The following RBM20 variants were observed in gnomAD, a reference collection of about 807,000 sequenced individuals.
The protein encoded by RBM20 is RNA-binding protein 20.
A neutral mutation model predicts 110.1 loss-of-function variants in RBM20; 51 were observed. That is an observed-to-expected ratio of 0.46 (90% CI 0.37 to 0.59). RBM20 has a LOEUF of 0.59. Among genes scored for constraint, RBM20 ranks in the 20% least tolerant of loss-of-function variants. RBM20 has a pLI of 0.00. For missense variants in RBM20, 1,512 were observed against 1,574.9 expected, an observed-to-expected ratio of 0.96 and a Z score of 0.68; for synonymous variants, 589 against 618.2, an observed-to-expected ratio of 0.95 and a Z score of 0.70.
At chr10:110,789,511 G>A (rs1023891630) in intron 5 of RBM20, among the ~76,000 whole-genome samples, 4 of 151,538 alleles carry the variant, frequency 2.6e-5, no homozygotes, top group African/African-American at 9.7e-5. Context: ...AGGCTGGAGT[G>A]CAGTGGCATG....
intron 1 of RBM20, among the ~76,000 whole-genome samples, chr10:110,671,195 C>T (rs1416640679): frequency 6.6e-6 from 1 of 152,230 alleles, no homozygotes; most frequent in Non-Finnish European, 1.5e-5. Context: ...ACTGAGCTGA[C>T]TTACCCAAAG....
intron 1 of RBM20, among the ~76,000 whole-genome samples, chr10:110,687,998 TGTGTGTGTGTG>T (rs1862530810): frequency 3.3e-4 from 2 of 6,012 alleles, no homozygotes; most frequent in Non-Finnish European, 2.0e-3. Flanking sequence ...AATGGTTTTG[TGTGTGTGTGTG>T]TGTGTGTGTG....
intron 1 of RBM20, among the ~76,000 whole-genome samples, chr10:110,701,303 C>G (rs536178677): frequency 9.9e-4 from 151 of 152,128 alleles, no homozygotes; most frequent in African/African-American, 3.4e-3. Context: ...GGGCTTACTT[C>G]TCACCTGGTC....
chr10:110,668,511 C>T (rs1862212549), intron 1 of RBM20, among the ~76,000 whole-genome samples: 1 of 151,914 alleles, frequency 6.6e-6, no homozygotes, highest in Non-Finnish European at 1.5e-5. Context: ...AGGGGAGACA[C>T]TGGATTATAG....
Position 110,835,891 on chromosome 10 carries a change from G to A in RBM20, c.3597G>A (p.Glu1199=), listed in dbSNP as rs1177544843. 6.5e-7 allele frequency: 1 copy of A among 1,550,120 alleles called. No individual in the cohort carries two copies. The highest frequency in any genetic ancestry group is 2.4e-5 in the East Asian group (1 of 40,856). ...NLQKYLSQLA[E]EGLKETEGAD... ...AGAAATATTTGTCCCAGCTGGCCGA[G>A]GAGGGCCTCAAGGAGACCGAGGGGG... Residue 1199 remains glutamate, a synonymous_variant, in exon 14 of 14, where the codon GAG becomes GAA. Transcript: ENST00000369519.
intron 1 of RBM20, among the ~76,000 whole-genome samples, chr10:110,712,210 G>A (rs564964557): frequency 1.3e-5 from 2 of 152,328 alleles, no homozygotes; most frequent in East Asian, 1.9e-4. Flanking sequence ...AGTTAATTGT[G>A]AGTTCATGTA....
In RBM20 at chr10:110,820,075, G is replaced by A; in HGVS notation, c.2554G>A (p.Gly852Arg). ...GCTCTGTTCTTCCTTTGATAAGGCT[G>A]GAAAAGAGGAACAGGAGGGCATGGA... Reference protein sequence around the residue: ...KENTMAENEAGKEEQEGMEES... With the variant: ...KENTMAENEARKEEQEGMEES... The change falls in exon 10 of 14, where the codon GGA becomes AGA. Residue 852 changes from glycine (G) to arginine (R), a missense_variant. This residue lies in a region of RBM20 where 1,149 missense variants were observed against 1,169.4 expected (regional missense o/e 0.98). Coordinates refer to ENST00000369519, the MANE Select transcript of RBM20 (RefSeq NM_001134363.3). The A allele has an allele frequency of 2.6e-6, 4 of 1,546,860 alleles. No homozygotes were observed. Among genetic ancestry groups the A allele is most frequent in the Non-Finnish European group, 3.5e-6 (4 of 1,143,756 alleles).
At chr10:110,650,366 G>T (rs1206782405) in intron 1 of RBM20, among the ~76,000 whole-genome samples, 1 of 152,222 alleles carries the variant, frequency 6.6e-6, no homozygotes, top group Non-Finnish European at 1.5e-5. Flanking sequence ...ATCTGTAGGG[G>T]AGATGGCACA....
chr10:110,772,464 A>G (rs967805537), intron 1 of RBM20, among the ~76,000 whole-genome samples: 3 of 152,222 alleles, frequency 2.0e-5, no homozygotes, highest in Admixed American at 6.5e-5. Flanking sequence ...GTGGTCCCAT[A>G]AGATTATAAT....
rs993602871 is a variant in RBM20, at chr10:110,739,484, C to G, written c.192-41317C>G. ...TTTGATGAGCTGCCGGATCTCTTGA[C>G]CCCTCAGAGAATTTTACATTAGGGA... On this transcript the variant is annotated intron_variant, in intron 1 of 13. Transcript: ENST00000369519. The surrounding 1 kb of genome is among the most constrained non-coding windows in gnomAD (Gnocchi z 4.1). Among the ~76,000 whole-genome samples the G allele has an allele frequency of 1.3e-5, 2 of 152,132 alleles. No individual in the cohort carries two copies. Among genetic ancestry groups the G allele is most frequent in the Non-Finnish European group, 2.9e-5 (2 of 68,026 alleles).
At chr10:110,706,680 T>C (rs181932086) in intron 1 of RBM20, among the ~76,000 whole-genome samples, 259 of 152,248 alleles carry the variant, frequency 1.7e-3, no homozygotes, top group African/African-American at 5.9e-3. Context: ...GTCTGGAGGG[T>C]GAACCTCAAA....
At chr10:110,732,207 A>G (rs914431962) in intron 1 of RBM20, among the ~76,000 whole-genome samples, 5 of 152,078 alleles carry the variant, frequency 3.3e-5, no homozygotes, top group African/African-American at 1.2e-4. Context: ...TATCTGTTTC[A>G]TGGTCATCTC....
In RBM20 at chr10:110,767,207, G is replaced by A. The variant is rs1223623545; in HGVS notation, c.192-13594G>A. On this transcript the variant is annotated intron_variant, in intron 1 of 13. Coordinates refer to ENST00000369519, the MANE Select transcript of RBM20 (RefSeq NM_001134363.3). ...TCCCAGACGGGGCGGCTGGCCGGGCGGGGGGGCTGACCCCCCCACCTCCCT... is the reference window on the plus strand; with the variant it reads ...TCCCAGACGGGGCGGCTGGCCGGGCAGGGGGGCTGACCCCCCCACCTCCCT... Among the ~76,000 whole-genome samples the A allele has an allele frequency of 9.3e-4, 115 of 123,776 alleles. 1 individual carries two copies. The highest frequency in any genetic ancestry group is 1.7e-3 in the Non-Finnish European group (95 of 56,522). The allele number at this position is 123,776 out of a possible 152,430, so 81.2% of individuals were successfully genotyped here.
intron 1 of RBM20, among the ~76,000 whole-genome samples, chr10:110,702,148 A>G (rs777884346): frequency 1.3e-5 from 2 of 152,192 alleles, no homozygotes; most frequent in Non-Finnish European, 2.9e-5. Flanking sequence ...CTGCTGGGCA[A>G]AAGTGGGAAG....
intron 1 of RBM20, among the ~76,000 whole-genome samples, chr10:110,733,537 C>A (rs890419931): frequency 1.3e-5 from 2 of 152,240 alleles, no homozygotes; most frequent in African/African-American, 4.8e-5. Context: ...AATAGAATTG[C>A]CCATGCAGGG....
At chr10:110,736,091 G>A (rs1057333999) in intron 1 of RBM20, among the ~76,000 whole-genome samples, 10 of 152,234 alleles carry the variant, frequency 6.6e-5, no homozygotes, top group African/African-American at 2.4e-4. Flanking sequence ...CAGACCTGGA[G>A]ATGAAACACA....
intron 1 of RBM20, among the ~76,000 whole-genome samples, chr10:110,714,273 C>T (rs897525929): frequency 6.6e-6 from 1 of 152,118 alleles, no homozygotes; most frequent in African/African-American, 2.4e-5. Context: ...GAAATGTAAC[C>T]ATATCTGCAG....
In RBM20 at chr10:110,727,772, G is replaced by A. The variant is rs532822555; in HGVS notation, c.192-53029G>A. Among the ~76,000 whole-genome samples the A allele has an allele frequency of 3.9e-5, 6 of 152,266 alleles. No individual in the cohort carries two copies. In the East Asian group the frequency reaches 5.8e-4, roughly 15 times the overall value. ...TAGGTTTTAAGCCCTGCATGCCTTA[G>A]GTATTTGTCCTAATGCTTTCCCTCC... On this transcript the variant is annotated intron_variant, in intron 1 of 13. Coordinates refer to ENST00000369519, the MANE Select transcript of RBM20 (RefSeq NM_001134363.3).
At chr10:110,827,822 C>T (rs2135132606) in intron 12 of RBM20, 1 of 152,280 alleles carries the variant, frequency 6.6e-6, no homozygotes, top group East Asian at 1.9e-4. Flanking sequence ...GCCTGCAGGA[C>T]TGGTCACTAC....
Sources: gnomAD v4.1 joint callset for allele counts (sites outside exome capture counted in the v4.1 genomes callset) on GRCh38, gnomAD v4.1.1 for gene constraint, gnomAD v4.1.1 regional missense constraint, Gnocchi (gnomAD v3.1) non-coding constraint, MANE v1.5 for transcripts, NCBI Gene and HGNC (gene_info 2026-07-23, HGNC 2026-07-21) for gene names.